The following MAPK10 variants were observed in gnomAD, a reference collection of about 807,000 sequenced individuals.
The protein encoded by MAPK10 is JNK3 alpha protein kinase.
A neutral mutation model predicts 59.3 loss-of-function variants in MAPK10; 25 were observed. That is an observed-to-expected ratio of 0.42 (90% CI 0.31 to 0.59). The LOEUF (loss-of-function observed/expected upper bound fraction) is 0.59. MAPK10 is among the 20% of genes least tolerant of loss of function. MAPK10 has a pLI of 0.15. For synonymous variants in MAPK10, 190 were observed against 200.5 expected (o/e 0.95, Z 0.44); for missense variants, 351 against 568.9 (o/e 0.62, Z 3.90).
At chr4:86,220,522 T>A (rs887345514) in intron 2 of MAPK10, among the ~76,000 whole-genome samples, 2 of 152,194 alleles carry the variant, frequency 1.3e-5, no homozygotes, top group African/African-American at 2.4e-5. Context: ...TTTTATTTAG[T>A]CCTGAAGAAT....
intron 1 of MAPK10, among the ~76,000 whole-genome samples, chr4:86,387,082 C>A (rs931108109): frequency 6.6e-5 from 10 of 152,070 alleles, no homozygotes; most frequent in Non-Finnish European, 1.2e-4. Context: ...ATGGAAAAGA[C>A]AAATTCTGGA....
intron 2 of MAPK10, among the ~76,000 whole-genome samples, chr4:86,261,950 T>G (rs959186183): frequency 6.6e-6 from 1 of 152,258 alleles, no homozygotes; most frequent in African/African-American, 2.4e-5. Context: ...GCTGGGCAAC[T>G]AAGGTTCTTG....
At chr4:86,185,748 C>T (rs1283127646) in intron 3 of MAPK10, among the ~76,000 whole-genome samples, 1 of 152,052 alleles carries the variant, frequency 6.6e-6, no homozygotes, top group Non-Finnish European at 1.5e-5. Flanking sequence ...AATTTGCTGA[C>T]AGCTTGAATA....
intron 2 of MAPK10, among the ~76,000 whole-genome samples, chr4:86,242,640 C>G (rs2092806753): frequency 6.6e-6 from 1 of 152,210 alleles, no homozygotes; most frequent in Admixed American, 6.5e-5. Context: ...ACTGCCACAG[C>G]CAGTGTGTTG....
At chr4:86,447,784 T>C (rs971022375) in intron 1 of MAPK10, among the ~76,000 whole-genome samples, 5 of 152,204 alleles carry the variant, frequency 3.3e-5, no homozygotes, top group African/African-American at 1.2e-4. Context: ...AAAATGTGTA[T>C]CTTAAAAATA....
chr4:86,309,362 T>C (rs1360677033), intron 2 of MAPK10, among the ~76,000 whole-genome samples: 1 of 152,146 alleles, frequency 6.6e-6, no homozygotes, highest in Non-Finnish European at 1.5e-5. Context: ...GGCATGCAGA[T>C]CTTCTTGACC....
chr4:86,087,273 T>G (rs2052090309), intron 9 of MAPK10, among the ~76,000 whole-genome samples: 2 of 152,320 alleles, frequency 1.3e-5, no homozygotes, highest in South Asian at 4.1e-4. Context: ...TAGTCACCAA[T>G]TATTCAACCA....
At chr4:86,104,673 T>C (rs4693135) in intron 5 of MAPK10, among the ~76,000 whole-genome samples, 122,929 of 152,058 alleles carry the variant, frequency 0.81, 49,853 homozygotes, top group East Asian at 0.89. Context: ...CCCAGATCAC[T>C]TAGTGAACAA....
At chr4:86,359,416 G>A (rs578197862) in intron 1 of MAPK10, among the ~76,000 whole-genome samples, 82 of 150,266 alleles carry the variant, frequency 5.5e-4, no homozygotes, top group South Asian at 1.1e-3. Context: ...CCCTCCCTCT[G>A]CTACCCCTCA....
At chr4:86,169,824 G>A (rs2073423972) in intron 3 of MAPK10, among the ~76,000 whole-genome samples, 2 of 151,888 alleles carry the variant, frequency 1.3e-5, no homozygotes, top group African/African-American at 4.8e-5. Context: ...GAAAGGTCGG[G>A]TTACCCACAA....
At chr4:86,021,658 G>C (rs1477734200) in intron 13 of MAPK10, among the ~76,000 whole-genome samples, 1 of 152,260 alleles carries the variant, frequency 6.6e-6, no homozygotes, top group Non-Finnish European at 1.5e-5. Context: ...GGAGCAGGGG[G>C]TGGTGCTCGT....
At chr4:86,362,879 T>C (rs1156918872), upstream of MAPK10, among the ~76,000 whole-genome samples, 2 of 152,136 alleles carry the variant, frequency 1.3e-5, no homozygotes, top group African/African-American at 4.8e-5. Context: ...TTGGGAAATT[T>C]TGGTAGTTTT....
At chr4:86,538,133 T>C (rs1758387659) in intron 1 of MAPK10, among the ~76,000 whole-genome samples, 2 of 151,562 alleles carry the variant, frequency 1.3e-5, no homozygotes, top group East Asian at 3.9e-4. Context: ...TGTTAATTAC[T>C]ATAGCCTTAT....
At chr4:86,149,365 C>G (rs915711125) in intron 4 of MAPK10, among the ~76,000 whole-genome samples, 1 of 152,182 alleles carries the variant, frequency 6.6e-6, no homozygotes, top group Non-Finnish European at 1.5e-5. Context: ...CCCCCAGGTT[C>G]AAGCGATTCT....
At chr4:86,138,934 T>A (rs910119475) in intron 4 of MAPK10, among the ~76,000 whole-genome samples, 4 of 150,658 alleles carry the variant, frequency 2.7e-5, no homozygotes, top group African/African-American at 9.7e-5. Flanking sequence ...CATTCACAAT[T>A]GCTTCAAAGA....
intron 3 of MAPK10, among the ~76,000 whole-genome samples, chr4:86,180,346 G>C (rs999104693): frequency 2.6e-5 from 4 of 151,926 alleles, no homozygotes; most frequent in Non-Finnish European, 5.9e-5. Context: ...ATGTTGGTGA[G>C]ATATGGAGAA....
At chr4:86,319,119 C>G (rs1244628085) in intron 2 of MAPK10, among the ~76,000 whole-genome samples, 2 of 152,050 alleles carry the variant, frequency 1.3e-5, no homozygotes, top group Non-Finnish European at 2.9e-5. Flanking sequence ...TCCACTGAAA[C>G]AGGGTGGGTA....
At chr4:86,135,504 C>A (rs1319230048) in intron 4 of MAPK10, among the ~76,000 whole-genome samples, 1 of 152,140 alleles carries the variant, frequency 6.6e-6, no homozygotes, top group East Asian at 1.9e-4. Flanking sequence ...AACTAACAAA[C>A]AGAAAGGACA....
chr4:86,352,591 G>C (rs895797062), intron 2 of MAPK10, among the ~76,000 whole-genome samples: 1 of 152,140 alleles, frequency 6.6e-6, no homozygotes, highest in Admixed American at 6.6e-5. Context: ...AGTAGCTAGC[G>C]GTTACCTATG....
Sources: gnomAD v4.1 joint callset for allele counts (sites outside exome capture counted in the v4.1 genomes callset) on GRCh38, gnomAD v4.1.1 for gene constraint, MANE v1.5 for transcripts, NCBI Gene and HGNC (gene_info 2026-07-23, HGNC 2026-07-21) for gene names.